ITGB1BP1: variants seen among roughly 807,000 people sequenced by gnomAD.
ITGB1BP1 encodes integrin beta-1-binding protein 1.
ITGB1BP1 carries 20 observed loss-of-function variants against 28.0 expected under a neutral mutation model. That is an observed-to-expected ratio of 0.71 (90% confidence interval 0.50 to 1.04). The LOEUF is 1.04. Among genes scored for constraint, ITGB1BP1 ranks in the 50% least tolerant of loss-of-function variants. ITGB1BP1 has a pLI of 0.00. For synonymous variants in ITGB1BP1, 103 were observed against 89.5 expected (o/e 1.15, Z -0.85); for missense variants, 228 against 242.5 (o/e 0.94, Z 0.40).
In ITGB1BP1 at chr2:9,408,141, C is replaced by T. The variant is rs1677795579; in HGVS notation, c.353G>A (p.Gly118Asp). The T allele has an allele frequency of 6.3e-7, 1 of 1,582,748 alleles. No individual in the cohort carries two copies. The highest frequency in any genetic ancestry group is 8.7e-7 in the Non-Finnish European group (1 of 1,152,310). Reference protein sequence around the residue: ...EEFIMGVSKYGIKVSTSDQYD... With the variant: ...EEFIMGVSKYDIKVSTSDQYD... ...TTGATCTGATGTTGATACTTTTATG[C>T]CATACTTGGAAACTCCCATAATAAA... Residue 118 changes from glycine (G) to aspartate (D), a missense_variant, in exon 5 of 7, where the codon GGC becomes GAC. Gly to Asp is a moderately conservative substitution (Grantham distance 94, BLOSUM62 -1). Around this residue, in one of 2 missense-constraint regions of ITGB1BP1, gnomAD observed 192 missense variants for 181.6 expected, o/e 1.06. Transcript: ENST00000355346.
intron 1 of ITGB1BP1, among the ~76,000 whole-genome samples, chr2:9,421,712 TG>T (rs1272208421): frequency 1.3e-4 from 20 of 151,802 alleles, no homozygotes; most frequent in African/African-American, 4.6e-4. Context: ...AAATTATTCA[TG>T]CATCAAAATG....
rs919683543 is a variant in ITGB1BP1 at position 9,415,384 on chromosome 2, CA to C, written c.73-1129del. ...ACAAGAGTGAAACTCCATCTCAAAA[CA>C]AACAAACAAAAACACACACACAAAA... On this transcript the variant is annotated intron_variant, in intron 2 of 6. Coordinates refer to ENST00000355346, the MANE Select transcript of ITGB1BP1 (RefSeq NM_004763.5). The surrounding 1 kb of genome is among the most constrained non-coding windows in gnomAD (Gnocchi z 4.1). 2.0e-5 allele frequency among the ~76,000 whole-genome samples: 3 copies of C among 150,588 alleles called. No homozygotes were observed. Among genetic ancestry groups the C allele is most frequent in the African/African-American group, 7.3e-5 (3 of 40,850 alleles).
intron 4 of ITGB1BP1, 131 bp from the exon 5 acceptor site, chr2:9,408,336 G>A: frequency 3.2e-6 from 2 of 619,654 alleles, no homozygotes; most frequent in South Asian, 4.0e-5. Context: ...ACATTAGCCA[G>A]GCAAGAGTCT....
chr2:9,417,170 C>G (rs537011996), intron 2 of ITGB1BP1, among the ~76,000 whole-genome samples: 1 of 152,220 alleles, frequency 6.6e-6, no homozygotes, highest in African/African-American at 2.4e-5. Context: ...CCCTGCTTTA[C>G]TCTCAGAGTA....
intron 4 of ITGB1BP1, among the ~76,000 whole-genome samples, chr2:9,411,722 C>CA (rs532975208): frequency 0.23 from 30,460 of 131,732 alleles, 3,456 homozygotes; most frequent in Middle Eastern, 0.36. Context: ...GACTCCATCT[C>CA]AAAAAAAAAA....
chr2:9,412,296 G>GT lies in ITGB1BP1; in HGVS notation c.260dup (p.Asp87GlufsTer42). ...GGGCAACGTCTATATAATTTATCAG[G>GT]TCTAATGGCCCTTCAAGGCCTTTTC... On this transcript the variant is annotated frameshift_variant, in exon 4 of 7. Transcript: ENST00000355346. LOFTEE classifies it high-confidence loss of function. 6.2e-7 allele frequency: 1 copy of GT among 1,611,802 alleles called. No homozygotes were observed. The highest frequency in any genetic ancestry group is 8.5e-7 in the Non-Finnish European group (1 of 1,178,908).
At chr2:9,421,696 A>AG (rs1312638497) in intron 1 of ITGB1BP1, among the ~76,000 whole-genome samples, 1 of 152,236 alleles carries the variant, frequency 6.6e-6, no homozygotes, top group East Asian at 1.9e-4. Flanking sequence ...CAAAAAAAAA[A>AG]AAAAAAAATT....
intron 2 of ITGB1BP1, among the ~76,000 whole-genome samples, chr2:9,417,805 C>T (rs762484789): frequency 7.9e-5 from 12 of 152,068 alleles, no homozygotes; most frequent in South Asian, 2.1e-4. Context: ...TTCTTCCCCC[C>T]GTGTTAGTTT....
rs1006543811 is a variant in ITGB1BP1 at position 9,422,581 on chromosome 2, C to T, written c.-36+792G>A. The stretch of plus-strand genomic sequence containing the variant: ...CCCCTGATCACAGCGCCACGATCTG[C>T]TGTGGTCTCTGATCTCACTCTCCCA... On this transcript the variant is annotated intron_variant, in intron 1 of 6. Transcript: ENST00000355346. 2.3e-5 allele frequency: 23 copies of T among 985,526 alleles called. No individual in the cohort carries two copies. In the African/African-American group the frequency reaches 4.0e-4, roughly 17 times the overall value. 61.0% of individuals were successfully genotyped at this position (985,526 alleles called of 1,614,324 possible). A position where few individuals can be genotyped will look rare whatever the true frequency, so the allele number is the denominator to read the frequency against.
At chr2:9,416,077 T>C (rs937206956) in intron 2 of ITGB1BP1, among the ~76,000 whole-genome samples, 3 of 152,146 alleles carry the variant, frequency 2.0e-5, no homozygotes, top group African/African-American at 7.2e-5. Context: ...TGGAAAATCA[T>C]GAAAAGGCTG....
At position 9,415,269 on chromosome 2, in the gene ITGB1BP1, C is replaced by T. The variant is rs562131410; in HGVS notation, c.73-1013G>A. ...TGGCGGGCACTTATAATCCTAGCTA[C>T]TCGGGAGGCTGAGGCAGGAGAATAG... is the stretch of plus-strand genomic sequence containing the variant. On this transcript the variant is annotated intron_variant, in intron 2 of 6. Coordinates refer to ENST00000355346, the MANE Select transcript of ITGB1BP1 (RefSeq NM_004763.5). This position sits in a 1 kb window ranked among gnomAD's most constrained non-coding sequence, Gnocchi z 4.1. Among the ~76,000 whole-genome samples the T allele has an allele frequency of 1.7e-3, 261 of 152,250 alleles. No individual in the cohort carries two copies. Among genetic ancestry groups the T allele is most frequent in the Non-Finnish European group, 2.9e-3 (198 of 68,012 alleles).
intron 2 of ITGB1BP1, among the ~76,000 whole-genome samples, chr2:9,417,782 C>G (rs901685092): frequency 2.0e-5 from 3 of 152,090 alleles, no homozygotes; most frequent in African/African-American, 7.2e-5. Flanking sequence ...CCCACCCCCT[C>G]CATTCCTGTA....
rs1032632211 is a variant in ITGB1BP1, at chr2:9,405,235, C to T, written c.*1599G>A. ...ACCAGAGGAGAAATTATATTAACGACCCTGCTAATATCCTTTCTTAGTTAT... is the reference window on the plus strand; with the variant it reads ...ACCAGAGGAGAAATTATATTAACGATCCTGCTAATATCCTTTCTTAGTTAT... On this transcript the variant is annotated 3_prime_UTR_variant, in exon 7 of 7. Transcript: ENST00000355346. The T allele has an allele frequency of 2.0e-5, 3 of 152,212 alleles. No individual in the cohort carries two copies. The highest frequency in any genetic ancestry group is 3.2e-3 in the Middle Eastern group (1 of 316). 9.4% of individuals were successfully genotyped at this position (152,212 alleles called of 1,614,324 possible). A position where few individuals can be genotyped will look rare whatever the true frequency, so the allele number is the denominator to read the frequency against.
chr2:9,415,195 A>G lies in ITGB1BP1; in HGVS notation c.73-939T>C, dbSNP rs1558432857. Among the ~76,000 whole-genome samples the G allele has an allele frequency of 2.6e-5, 4 of 152,200 alleles. No individual in the cohort carries two copies. The highest frequency in any genetic ancestry group is 1.3e-4 in the Admixed American group (2 of 15,278). The stretch of plus-strand genomic sequence containing the variant: ...GGAGTTCGAGACCAGCCTGGCCAAC[A>G]TGGTAAAACCCCGTCTCTACCAAAA... On this transcript the variant is annotated intron_variant, in intron 2 of 6. Coordinates refer to ENST00000355346, the MANE Select transcript of ITGB1BP1 (RefSeq NM_004763.5). This position sits in a 1 kb window ranked among gnomAD's most constrained non-coding sequence, Gnocchi z 4.1.
intron 6 of ITGB1BP1, 190 bp downstream of exon 6, chr2:9,407,259 C>T (rs768468580): frequency 1.4e-5 from 9 of 637,944 alleles, no homozygotes; most frequent in Middle Eastern, 2.7e-4. Context: ...CTGCCACTGG[C>T]CCTAACAAAT....
At chr2:9,408,284 C>A (rs1197400359) in intron 4 of ITGB1BP1, 79 bp from the exon 5 acceptor site, 13 of 863,506 alleles carry the variant, frequency 1.5e-5, no homozygotes, top group South Asian at 5.6e-5. Flanking sequence ...CTTTGAGTAT[C>A]TGGCCATCGC....
At chr2:9,418,247 C>G (rs796745683) in intron 2 of ITGB1BP1, among the ~76,000 whole-genome samples, 1 of 152,312 alleles carries the variant, frequency 6.6e-6, no homozygotes, top group African/African-American at 2.4e-5. Flanking sequence ...CTCTGGTATA[C>G]AGCTATCTGC....
In ITGB1BP1 at chr2:9,404,187, T is replaced by C. The variant is rs964119510; in HGVS notation, c.*2647A>G. On this transcript the variant is annotated 3_prime_UTR_variant, in exon 7 of 7. Transcript: ENST00000355346. The stretch of plus-strand genomic sequence containing the variant: ...ATTCTGTGGCGCAGACCATGCTGTA[T>C]TAACACATCACTTGCTGTTTCCTAC... The C allele has an allele frequency of 2.0e-5, 3 of 152,222 alleles. No homozygotes were observed. The highest frequency in any genetic ancestry group is 6.5e-5 in the Admixed American group (1 of 15,274). 9.4% of individuals were successfully genotyped at this position (152,222 alleles called of 1,614,324 possible). A position where few individuals can be genotyped will look rare whatever the true frequency, so the allele number is the denominator to read the frequency against.
Position 9,415,001 on chromosome 2 carries a change from T to C in ITGB1BP1, c.73-745A>G, listed in dbSNP as rs1678935941. 6.6e-6 allele frequency among the ~76,000 whole-genome samples: 1 copy of C among 152,274 alleles called. No individual in the cohort carries two copies. Among genetic ancestry groups the C allele is most frequent in the Non-Finnish European group, 1.5e-5 (1 of 68,024 alleles). On this transcript the variant is annotated intron_variant, in intron 2 of 6. Coordinates refer to ENST00000355346, the MANE Select transcript of ITGB1BP1 (RefSeq NM_004763.5). This position sits in a 1 kb window ranked among gnomAD's most constrained non-coding sequence, Gnocchi z 4.1. The stretch of plus-strand genomic sequence containing the variant: ...GCTGACACCTGTAATCTCAGTACTT[T>C]GGGAGGCTGAGGCGGGTGGATCACC...
Sources: allele counts gnomAD v4.1 joint callset (sites outside exome capture counted in the v4.1 genomes callset), GRCh38; gene constraint gnomAD v4.1.1; regional missense constraint gnomAD v4.1.1; non-coding constraint Gnocchi (gnomAD v3.1); transcripts MANE v1.5; gene names NCBI Gene and HGNC (gene_info 2026-07-23, HGNC 2026-07-21).